The following RTN4R variants were observed in gnomAD, a reference collection of about 807,000 sequenced individuals.
RTN4R encodes the protein reticulon-4 receptor.
In RTN4R, 4 loss-of-function variants were observed where a neutral mutation model predicts 27.7. The observed-to-expected ratio is 0.14, with a 90% CI of 0.07 to 0.33. RTN4R has a LOEUF of 0.33. RTN4R is among the 10% of genes least tolerant of loss of function. The pLI is 1.00. For missense variants in RTN4R, 554 were observed against 671.5 expected (o/e 0.83, Z 1.93); for synonymous variants, 290 against 305.6 (o/e 0.95, Z 0.53).
chr22:20,253,167 A>G (rs1039736973), intron 1 of RTN4R, among the ~76,000 whole-genome samples: 1 of 152,176 alleles, frequency 6.6e-6, no homozygotes, highest in African/African-American at 2.4e-5. Flanking sequence ...GGGCTGGAAG[A>G]GGGGGCAGCA....
chr22:20,245,250 C>T (rs1025083845), intron 1 of RTN4R, among the ~76,000 whole-genome samples: 4 of 152,142 alleles, frequency 2.6e-5, no homozygotes, highest in Admixed American at 1.3e-4. Context: ...CGGTTCCTGC[C>T]GAGACAACTG....
intron 1 of RTN4R, among the ~76,000 whole-genome samples, chr22:20,253,043 C>T (rs1004071200): frequency 2.0e-5 from 3 of 152,164 alleles, no homozygotes; most frequent in African/African-American, 7.2e-5. Context: ...TCACAGCGTC[C>T]CAGAGCCACA....
chr22:20,249,596 G>A (rs191109941), intron 1 of RTN4R, among the ~76,000 whole-genome samples: 15 of 152,278 alleles, frequency 9.9e-5, no homozygotes, highest in East Asian at 9.6e-4. Flanking sequence ...CGTGCATACC[G>A]GAAACACACA....
At chr22:20,259,448 G>A (rs997761198) in intron 1 of RTN4R, among the ~76,000 whole-genome samples, 3 of 152,150 alleles carry the variant, frequency 2.0e-5, no homozygotes, top group African/African-American at 7.2e-5. Flanking sequence ...AGCCGGGTGC[G>A]CAGGGCCCAT....
At chr22:20,266,877 TACACACACGCAC>T (rs2051280424) in intron 1 of RTN4R, among the ~76,000 whole-genome samples, 2 of 152,114 alleles carry the variant, frequency 1.3e-5, no homozygotes, top group Admixed American at 1.3e-4. Context: ...CATACCAAGT[TACACACACGCAC>T]ACAAGCCCGA....
In RTN4R at chr22:20,241,876, A is replaced by C; in HGVS notation, c.1257T>G (p.Cys419Trp). The C allele has an allele frequency of 5.0e-6, 8 of 1,608,990 alleles. No homozygotes were observed. The highest frequency in any genetic ancestry group is 6.8e-6 in the Non-Finnish European group (8 of 1,178,478). Residue 419 changes from cysteine to tryptophan, a missense_variant, in exon 2 of 2, where the codon TGT (cysteine) becomes TGG (tryptophan). By Grantham distance (215) the Cys-to-Trp change is radical. Transcript: ENST00000043402. Reference protein sequence around the residue: ...PTSGPRRRPGCSRKNRTRSHC... With the variant: ...PTSGPRRRPGWSRKNRTRSHC... ...GGCTGCGGGTGCGGTTCTTGCGTGA[A>C]CAGCCTGGCCTCCGGCGAGGGCCCG...
At chr22:20,264,804 G>A (rs1165083422) in intron 1 of RTN4R, among the ~76,000 whole-genome samples, 2 of 152,226 alleles carry the variant, frequency 1.3e-5, no homozygotes, top group Non-Finnish European at 1.5e-5. Flanking sequence ...TGGCTGCAGA[G>A]GGTCAGGCAG....
chr22:20,245,515 C>A (rs543706469), intron 1 of RTN4R, among the ~76,000 whole-genome samples: 209 of 152,230 alleles, frequency 1.4e-3, no homozygotes, highest in Non-Finnish European at 2.1e-3. Flanking sequence ...TCCTCTGACC[C>A]CATCCCAGGG....
chr22:20,252,842 G>T (rs771200200), intron 1 of RTN4R, among the ~76,000 whole-genome samples: 71 of 152,166 alleles, frequency 4.7e-4, no homozygotes, highest in Non-Finnish European at 7.9e-4. Context: ...CAGAGAATCT[G>T]CCAGCCCCCT....
intron 1 of RTN4R, among the ~76,000 whole-genome samples, chr22:20,261,226 G>GCAGGA (rs2051244759): frequency 2.0e-5 from 3 of 152,218 alleles, no homozygotes; most frequent in Non-Finnish European, 1.5e-5. Context: ...TCCCCCCAGG[G>GCAGGA]CAGGACAGGA....
rs897744040 is a variant in RTN4R, at chr22:20,241,632, G to A, written c.*79C>T. On this transcript the variant is annotated 3_prime_UTR_variant, in exon 2 of 2. Transcript: ENST00000043402. ...GGCCTGCCCCACGGGTCGGCCGCCC[G>A]GCTGGCTTGGCGGCGTGGAGAGAGA... The A allele has an allele frequency of 6.2e-5, 94 of 1,510,688 alleles. No homozygotes were observed. The Middle Eastern group carries it at 1.4e-3, about 22-fold the overall frequency. The allele number at this position is 1,510,688 out of a possible 1,614,324, so 93.6% of individuals were successfully genotyped here. A position where few individuals can be genotyped will look rare whatever the true frequency, so the allele number is the denominator to read the frequency against.
At chr22:20,257,398 C>T (rs1461446759) in intron 1 of RTN4R, among the ~76,000 whole-genome samples, 2 of 152,186 alleles carry the variant, frequency 1.3e-5, no homozygotes, top group Admixed American at 6.5e-5. Context: ...GGTCACAAGG[C>T]TGGGGCCCTC....
intron 1 of RTN4R, among the ~76,000 whole-genome samples, chr22:20,259,289 G>A (rs1191858358): frequency 6.6e-6 from 1 of 152,216 alleles, no homozygotes; most frequent in Non-Finnish European, 1.5e-5. Flanking sequence ...CATCCGGGAG[G>A]TATGTAGATG....
chr22:20,254,223 G>A (rs1267453662), intron 1 of RTN4R, among the ~76,000 whole-genome samples: 1 of 151,944 alleles, frequency 6.6e-6, no homozygotes, highest in East Asian at 1.9e-4. Flanking sequence ...GAGGCCAGGA[G>A]TTTGAGACCA....
intron 1 of RTN4R, among the ~76,000 whole-genome samples, chr22:20,253,809 G>A (rs1391945084): frequency 6.6e-6 from 1 of 151,660 alleles, no homozygotes; most frequent in African/African-American, 2.4e-5. Flanking sequence ...CAAAAAGAAA[G>A]AGTGCCTGGA....
chr22:20,261,529 A>AGAG (rs1332550363), intron 1 of RTN4R, among the ~76,000 whole-genome samples: 1 of 152,210 alleles, frequency 6.6e-6, no homozygotes, highest in East Asian at 1.9e-4. Flanking sequence ...AGGGAGGCTC[A>AGAG]GAGGGTAGGT....
intron 1 of RTN4R, among the ~76,000 whole-genome samples, chr22:20,246,006 C>G (rs1446976088): frequency 6.6e-6 from 1 of 152,242 alleles, no homozygotes; most frequent in Non-Finnish European, 1.5e-5. Context: ...AAGCTGCACA[C>G]AAACTGGTAC....
chr22:20,242,928 T>A lies in RTN4R; in HGVS notation c.205A>T (p.Ile69Phe). The A allele has an allele frequency of 6.2e-7, 1 of 1,612,250 alleles. No homozygotes were observed. The highest frequency in any genetic ancestry group is 8.5e-7 in the Non-Finnish European group (1 of 1,179,542). ...AAGCTGGCAGCTGGCACATGCGAGATGCGGTTGCCGTGCAGGAAGATGCGC... is the reference window on the plus strand; with the variant it reads ...AAGCTGGCAGCTGGCACATGCGAGAAGCGGTTGCCGTGCAGGAAGATGCGC... Reference protein sequence around the residue: ...SQRIFLHGNRISHVPAASFRA... With the variant: ...SQRIFLHGNRFSHVPAASFRA... Residue 69 changes from isoleucine to phenylalanine, a missense_variant, in exon 2 of 2, where the codon ATC becomes TTC. Physicochemically the swap from Ile to Phe is conservative, Grantham distance 21. Transcript: ENST00000043402.
chr22:20,258,215 TCCAAGGCCATTGCC>T (rs2051223494), intron 1 of RTN4R, among the ~76,000 whole-genome samples: 1 of 152,282 alleles, frequency 6.6e-6, no homozygotes, highest in Middle Eastern at 3.4e-3. Context: ...GCTCTGTTGC[TCCAAGGCCATTGCC>T]CCTGCTGGCG....
Sources: gnomAD v4.1 joint callset for allele counts (sites outside exome capture counted in the v4.1 genomes callset) on GRCh38, gnomAD v4.1.1 for gene constraint, MANE v1.5 for transcripts, NCBI Gene and HGNC (gene_info 2026-07-23, HGNC 2026-07-21) for gene names.